DPP10: variants seen among roughly 807,000 people sequenced by gnomAD.
DPP10 encodes the protein inactive dipeptidyl peptidase 10.
A neutral mutation model predicts 120.9 loss-of-function variants in DPP10; 33 were observed. The ratio of observed to expected loss-of-function variants is 0.27; its 90% confidence interval spans 0.21 to 0.37. DPP10 has a LOEUF of 0.37. Ranked by LOEUF, DPP10 falls within the 10% of genes least tolerant of loss-of-function variation. The pLI is 1.00. For synonymous variants in DPP10, 337 were observed against 326.1 expected (o/e 1.03, Z -0.36); for missense variants, 816 against 942.8 (o/e 0.87, Z 1.76).
chr2:115,813,854 T>C (rs1362670349), intron 19 of DPP10, among the ~76,000 whole-genome samples: 1 of 152,084 alleles, frequency 6.6e-6, no homozygotes, highest in African/African-American at 2.4e-5. Flanking sequence ...GAAGAGTGAG[T>C]AGGCTGGGAA....
intron 11 of DPP10, among the ~76,000 whole-genome samples, chr2:115,756,913 G>A (rs573698023): frequency 3.3e-5 from 5 of 152,048 alleles, no homozygotes; most frequent in African/African-American, 9.7e-5. Flanking sequence ...GGCTGAACTC[G>A]TCCTTTTATA....
At chr2:114,533,024 G>A (rs1193084677) in intron 1 of DPP10, among the ~76,000 whole-genome samples, 1 of 152,182 alleles carries the variant, frequency 6.6e-6, no homozygotes, top group Non-Finnish European at 1.5e-5. Context: ...AGAGTGGACA[G>A]GATATTTATT....
intron 1 of DPP10, among the ~76,000 whole-genome samples, chr2:115,278,446 A>G (rs1028393701): frequency 6.6e-6 from 1 of 152,104 alleles, no homozygotes; most frequent in Non-Finnish European, 1.5e-5. Context: ...AGCTTTGTCC[A>G]TTTTGTGTTG....
At chr2:115,601,752 C>T (rs983319445) in intron 5 of DPP10, among the ~76,000 whole-genome samples, 1 of 152,092 alleles carries the variant, frequency 6.6e-6, no homozygotes, top group Admixed American at 6.5e-5. Flanking sequence ...CAGCTCACTG[C>T]AATCTCCGCC....
intron 1 of DPP10, among the ~76,000 whole-genome samples, chr2:114,477,905 A>G (rs569795240): frequency 6.0e-5 from 9 of 150,460 alleles, no homozygotes; most frequent in South Asian, 2.1e-4. Context: ...ATGTGTATAT[A>G]TGTACATATA....
At chr2:114,564,403 G>A (rs1451818349) in intron 1 of DPP10, among the ~76,000 whole-genome samples, 1 of 152,134 alleles carries the variant, frequency 6.6e-6, no homozygotes, top group Non-Finnish European at 1.5e-5. Flanking sequence ...GACCATAGCA[G>A]AGGAGAAAGA....
At chr2:115,376,190 T>G (rs2065780420) in intron 3 of DPP10, among the ~76,000 whole-genome samples, 1 of 152,168 alleles carries the variant, frequency 6.6e-6, no homozygotes, top group Non-Finnish European at 1.5e-5. Context: ...TTTAAGGAAT[T>G]GCTTCTCTTG....
chr2:114,579,535 C>T (rs1047108449), intron 1 of DPP10, among the ~76,000 whole-genome samples: 1 of 152,146 alleles, frequency 6.6e-6, no homozygotes, highest in African/African-American at 2.4e-5. Flanking sequence ...CTAAGAGAAC[C>T]TTTTACCCCC....
At chr2:115,022,997 A>G (rs1437353391) in intron 1 of DPP10, among the ~76,000 whole-genome samples, 1 of 152,112 alleles carries the variant, frequency 6.6e-6, no homozygotes, top group African/African-American at 2.4e-5. Flanking sequence ...ACAAAAATCA[A>G]CTCAAGATAG....
intron 1 of DPP10, among the ~76,000 whole-genome samples, chr2:114,611,669 T>C (rs1305104928): frequency 6.6e-6 from 1 of 152,238 alleles, no homozygotes; most frequent in African/African-American, 2.4e-5. Context: ...CACTCTGATT[T>C]ATTTCACTTT....
intron 1 of DPP10, among the ~76,000 whole-genome samples, chr2:115,074,121 C>T (rs1186487659): frequency 6.6e-6 from 1 of 152,148 alleles, no homozygotes; most frequent in East Asian, 1.9e-4. Context: ...AAATGATCCT[C>T]CTGCCTTAGC....
At chr2:115,640,896 TCA>T (rs1368771664) in intron 5 of DPP10, among the ~76,000 whole-genome samples, 2 of 152,234 alleles carry the variant, frequency 1.3e-5, no homozygotes, top group Non-Finnish European at 2.9e-5. Context: ...AGTTTCAATT[TCA>T]CAGTGTTTAT....
chr2:115,841,538 G>A (rs571811693), intron 25 of DPP10, among the ~76,000 whole-genome samples: 14 of 152,056 alleles, frequency 9.2e-5, no homozygotes, highest in Non-Finnish European at 1.3e-4. Flanking sequence ...AAACTACCAC[G>A]TTTAGGATAA....
At chr2:115,706,174 ATT>A (rs1227368763) in intron 7 of DPP10, among the ~76,000 whole-genome samples, 1 of 152,010 alleles carries the variant, frequency 6.6e-6, no homozygotes, top group African/African-American at 2.4e-5. Context: ...CAAATATGCA[ATT>A]ATGTTATATA....
chr2:114,637,987 T>A (rs562089906), intron 1 of DPP10, among the ~76,000 whole-genome samples: 5 of 152,052 alleles, frequency 3.3e-5, no homozygotes, highest in African/African-American at 1.2e-4. Context: ...TGGTTCCATA[T>A]AAATTTTAGA....
At chr2:114,752,490 C>T (rs1443772668) in intron 1 of DPP10, among the ~76,000 whole-genome samples, 2 of 152,186 alleles carry the variant, frequency 1.3e-5, no homozygotes, top group Non-Finnish European at 2.9e-5. Flanking sequence ...CCTGAAATTA[C>T]TTGTGCCTGG....
chr2:115,712,516 G>A (rs1161695232), intron 7 of DPP10, among the ~76,000 whole-genome samples: 1 of 59,156 alleles, frequency 1.7e-5, no homozygotes, highest in Non-Finnish European at 3.4e-5. Context: ...AATGAAATTA[G>A]AAATAGCTTT....
intron 21 of DPP10, among the ~76,000 whole-genome samples, chr2:115,832,874 C>T (rs532702335): frequency 3.3e-5 from 5 of 152,008 alleles, no homozygotes; most frequent in Admixed American, 6.6e-5. Flanking sequence ...CCGGTAGGCA[C>T]CTTTATTATA....
At chr2:114,693,531 T>C (rs1394053606) in intron 1 of DPP10, among the ~76,000 whole-genome samples, 1 of 151,926 alleles carries the variant, frequency 6.6e-6, no homozygotes, top group African/African-American at 2.4e-5. Flanking sequence ...CATTTCGATT[T>C]TGGAGAATCT....
Sources: gnomAD v4.1 joint callset for allele counts (sites outside exome capture counted in the v4.1 genomes callset) on GRCh38, gnomAD v4.1.1 for gene constraint, MANE v1.5 for transcripts, NCBI Gene and HGNC (gene_info 2026-07-23, HGNC 2026-07-21) for gene names.